ATP11B: variants seen among roughly 807,000 people sequenced by gnomAD.
ATP11B encodes the protein phospholipid-transporting ATPase IF.
Under a neutral mutation model 157.8 loss-of-function variants are expected in ATP11B, and 81 were observed. The observed-to-expected ratio is 0.51, with a 90% CI of 0.43 to 0.62. The LOEUF (loss-of-function observed/expected upper bound fraction) is 0.62, where lower values mean the gene tolerates loss of function less well. Ranked by LOEUF, ATP11B falls within the 20% of genes least tolerant of loss-of-function variation. The pLI is 0.00. For synonymous variants in ATP11B, 451 were observed against 469.4 expected (o/e 0.96, Z 0.51); for missense variants, 1,165 against 1,402.2 (o/e 0.83, Z 2.70).
chr3:182,816,573 T>G (rs1659047462), intron 1 of ATP11B, among the ~76,000 whole-genome samples: 1 of 152,232 alleles, frequency 6.6e-6, no homozygotes, highest in African/African-American at 2.4e-5. Flanking sequence ...ATAATTTTGT[T>G]AATAGTTTGT....
rs369236970 is a variant in ATP11B, at chr3:182,859,143, A to G, written c.1003-19A>G. 4.5e-6 allele frequency: 7 copies of G among 1,562,998 alleles called. No homozygotes were observed. The highest frequency in any genetic ancestry group is 4.1e-5 in the African/African-American group (3 of 73,004). On this transcript the variant is annotated intron_variant, in intron 11 of 29. Transcript: ENST00000323116. ...CTAGTTTATTTTTTCTTTTCAAACAATTATTTCCTTTTTTCTAGATTCTGA... is the reference window on the plus strand; with the variant it reads ...CTAGTTTATTTTTTCTTTTCAAACAGTTATTTCCTTTTTTCTAGATTCTGA...
At chr3:182,803,840 T>C (rs1032032219) in intron 1 of ATP11B, among the ~76,000 whole-genome samples, 9 of 152,242 alleles carry the variant, frequency 5.9e-5, no homozygotes, top group African/African-American at 1.4e-4. Context: ...CTCTGTCATA[T>C]ACCAGCATTC....
chr3:182,906,039 AT>A (rs1484427085), intron 28 of ATP11B: 3 of 324,276 alleles, frequency 9.3e-6, no homozygotes, highest in African/African-American at 6.5e-5. Flanking sequence ...ACTGTTCCTC[AT>A]ATGTTGTTTT....
chr3:182,899,174 G>A (rs76298419), intron 28 of ATP11B, among the ~76,000 whole-genome samples: 3 of 129,450 alleles, frequency 2.3e-5, no homozygotes, highest in African/African-American at 5.8e-5. Flanking sequence ...TTTTTTTTCC[G>A]AGACGGAGTC....
intron 1 of ATP11B, among the ~76,000 whole-genome samples, chr3:182,815,732 C>CT (rs1261818250): frequency 1.3e-5 from 2 of 152,092 alleles, no homozygotes; most frequent in East Asian, 3.8e-4. Context: ...GCTGTGAACT[C>CT]TAAGGATGAT....
intron 11 of ATP11B, among the ~76,000 whole-genome samples, chr3:182,858,535 T>C (rs1405527383): frequency 6.6e-6 from 1 of 152,198 alleles, no homozygotes; most frequent in Admixed American, 6.5e-5. Context: ...GGTTTCACTT[T>C]AGATTAAAAT....
In ATP11B at chr3:182,848,486, A is replaced by G. The variant is rs1434704300; in HGVS notation, c.780A>G (p.Val260=). ...TGTTTTATTTTACAGGTGTTGCGGT[A>G]TACACTGGAATGGAAACTAAGATGG... is the stretch of plus-strand genomic sequence containing the variant. ...KNTKEIFGVA[V]YTGMETKMAL... Residue 260 remains valine (V), a synonymous_variant, in exon 10 of 30, where the codon GTA becomes GTG. Coordinates refer to ENST00000323116, the MANE Select transcript of ATP11B (RefSeq NM_014616.3). The G allele has an allele frequency of 1.3e-6, 2 of 1,556,052 alleles. No individual in the cohort carries two copies. The highest frequency in any genetic ancestry group is 1.7e-6 in the Non-Finnish European group (2 of 1,149,212).
chr3:182,837,037 C>G, intron 6 of ATP11B, 34 bp from the exon 7 acceptor site: 1 of 1,522,432 alleles, frequency 6.6e-7, no homozygotes, highest in South Asian at 1.1e-5. Flanking sequence ...CAATTTGGAT[C>G]TGAAAACTCT....
intron 1 of ATP11B, among the ~76,000 whole-genome samples, chr3:182,805,489 T>A (rs373685513): frequency 1.3e-5 from 2 of 151,972 alleles, no homozygotes; most frequent in African/African-American, 4.8e-5. Flanking sequence ...AGTTTCACTC[T>A]TGTTGCCCAG....
At chr3:182,881,035 A>C in intron 21 of ATP11B, 54 bp downstream of exon 21, 1 of 1,337,014 alleles carries the variant, frequency 7.5e-7, no homozygotes, top group Non-Finnish European at 1.0e-6. Context: ...TGGTGGTATT[A>C]TTTGGTGGTT....
intron 8 of ATP11B, among the ~76,000 whole-genome samples, chr3:182,842,727 G>A (rs1232593096): frequency 2.0e-5 from 3 of 152,106 alleles, no homozygotes; most frequent in East Asian, 1.9e-4. Context: ...ACAAAAGACT[G>A]TAACAAGGGC....
At chr3:182,916,735 A>G (rs1222129688) in intron 29 of ATP11B, 2 of 984,368 alleles carry the variant, frequency 2.0e-6, no homozygotes, top group East Asian at 2.3e-4. Flanking sequence ...TTTAAAATGA[A>G]GGAGACTTTA....
Position 182,820,396 on chromosome 3 carries a change from T to C in ATP11B, c.144+20T>C, listed in dbSNP as rs200891285. 1.0e-5 allele frequency: 16 copies of C among 1,528,718 alleles called. No homozygotes were observed. The highest frequency in any genetic ancestry group is 1.4e-5 in the Non-Finnish European group (15 of 1,102,386). The allele number at this position is 1,528,718 out of a possible 1,614,324, so 94.7% of individuals were successfully genotyped here. A position where few individuals can be genotyped will look rare whatever the true frequency, so the allele number is the denominator to read the frequency against. On this transcript the variant is annotated intron_variant, in intron 2 of 29. Coordinates refer to ENST00000323116, the MANE Select transcript of ATP11B (RefSeq NM_014616.3). The stretch of plus-strand genomic sequence containing the variant: ...TCTAAGGTAAGAATTAAAATTTTTA[T>C]TGTTAGGCCAGGTGCAGTGGCTCAT...
chr3:182,901,753 G>A (rs1024577882), intron 28 of ATP11B, among the ~76,000 whole-genome samples: 3 of 152,032 alleles, frequency 2.0e-5, no homozygotes, highest in African/African-American at 4.8e-5. Context: ...GGAAATATTT[G>A]GGCTACCTTA....
rs544883801 is a variant in ATP11B at position 182,801,306 on chromosome 3, A to G, written c.27+7520A>G. 5.3e-5 allele frequency among the ~76,000 whole-genome samples: 8 copies of G among 152,360 alleles called. No individual in the cohort carries two copies. In the East Asian group the frequency reaches 1.3e-3, roughly 26 times the overall value. On this transcript the variant is annotated intron_variant, in intron 1 of 29. Transcript: ENST00000323116. ...GTTCCCCCTCAGGAAAGGAGGAAGA[A>G]TAGGATGATATGCATAGGTATCAAT...
intron 24 of ATP11B, among the ~76,000 whole-genome samples, chr3:182,888,518 A>AT (rs1467662732): frequency 6.6e-6 from 1 of 151,968 alleles, no homozygotes; most frequent in East Asian, 1.9e-4. Context: ...TGCCTATGTC[A>AT]TATTTCTTTT....
intron 9 of ATP11B, among the ~76,000 whole-genome samples, chr3:182,846,156 C>G (rs1287405588): frequency 6.6e-6 from 1 of 152,038 alleles, no homozygotes; most frequent in Non-Finnish European, 1.5e-5. Context: ...CAGGAATGGC[C>G]CTTAGTATCT....
At chr3:182,916,908 C>A (rs1353925213) in intron 29 of ATP11B, 1 of 982,038 alleles carries the variant, frequency 1.0e-6, no homozygotes, top group African/African-American at 1.7e-5. Context: ...TAAATACTTA[C>A]TCTTTAAGAA....
chr3:182,869,393 CTTTA>C, intron 17 of ATP11B, 62 bp downstream of exon 17: 5 of 1,097,162 alleles, frequency 4.6e-6, no homozygotes, highest in Non-Finnish European at 6.4e-6. Flanking sequence ...ATATTTTGGA[CTTTA>C]TTTCTTATAA....
Sources: allele counts gnomAD v4.1 joint callset (sites outside exome capture counted in the v4.1 genomes callset), GRCh38; gene constraint gnomAD v4.1.1; transcripts MANE v1.5; gene names NCBI Gene and HGNC (gene_info 2026-07-23, HGNC 2026-07-21).